KPNA2: variants seen among roughly 807,000 people sequenced by gnomAD.
The protein encoded by KPNA2 is importin subunit alpha-1.
A neutral mutation model predicts 53.7 loss-of-function variants in KPNA2; 20 were observed. That is an observed-to-expected ratio of 0.37 (90% CI 0.26 to 0.54). KPNA2 has a LOEUF of 0.54. Among genes scored for constraint, KPNA2 ranks in the 20% least tolerant of loss-of-function variants. KPNA2 has a pLI of 0.83. For missense variants in KPNA2, 515 were observed against 640.3 expected, an observed-to-expected ratio of 0.80 and a Z score of 2.11; for synonymous variants, 238 against 227.5, an observed-to-expected ratio of 1.05 and a Z score of -0.42.
rs2071181404 is a variant in KPNA2 at position 68,035,769 on chromosome 17, T to A, written c.-95T>A. On this transcript the variant is annotated 5_prime_UTR_variant, in exon 1 of 11. Coordinates refer to ENST00000330459, the MANE Select transcript of KPNA2 (RefSeq NM_002266.4). ...TTGAGCTGAGTCGAGGTGGACCCTT[T>A]GAACGCAGTCGCCCTACAGCCGCTG... The A allele has an allele frequency of 6.6e-6, 1 of 152,400 alleles. No homozygotes were observed. The highest frequency in any genetic ancestry group is 1.5e-5 in the Non-Finnish European group (1 of 68,238). 9.4% of individuals were successfully genotyped at this position (152,400 alleles called of 1,614,324 possible).
chr17:68,039,434 T>G (rs1555704219), intron 3 of KPNA2, among the ~76,000 whole-genome samples: 1 of 151,442 alleles, frequency 6.6e-6, no homozygotes, highest in African/African-American at 2.4e-5. Context: ...CATAAACCAT[T>G]TATATTTGCA....
At chr17:68,041,544 C>G (rs949638428) in intron 4 of KPNA2, among the ~76,000 whole-genome samples, 10 of 152,070 alleles carry the variant, frequency 6.6e-5, no homozygotes, top group East Asian at 5.8e-4. Flanking sequence ...GGCGACAGAG[C>G]AAGACTCTGT....
intron 3 of KPNA2, among the ~76,000 whole-genome samples, chr17:68,039,152 G>C (rs140607826): frequency 6.6e-6 from 1 of 151,520 alleles, no homozygotes; most frequent in African/African-American, 2.4e-5. Context: ...ACAAAACCTT[G>C]GTTTGTTGCC....
intron 7 of KPNA2, 137 bp from the exon 8 acceptor site, chr17:68,043,701 C>T: frequency 1.7e-6 from 1 of 603,154 alleles, no homozygotes; most frequent in South Asian, 2.0e-5. Flanking sequence ...AAAAAAAAAG[C>T]ATAATCAGTT....
chr17:68,046,043 C>A, intron 10 of KPNA2, 122 bp downstream of exon 10: 1 of 617,698 alleles, frequency 1.6e-6, no homozygotes, highest in Non-Finnish European at 2.6e-6. Flanking sequence ...TATCAGTGTG[C>A]ATGGGACATA....
intron 4 of KPNA2, among the ~76,000 whole-genome samples, chr17:68,041,339 G>T (rs544523261): frequency 6.6e-6 from 1 of 152,300 alleles, no homozygotes; most frequent in Admixed American, 6.5e-5. Flanking sequence ...CAAGGGGTCG[G>T]TTACTTGAGC....
intron 3 of KPNA2, among the ~76,000 whole-genome samples, chr17:68,038,360 T>C (rs6504576): frequency 0.25 from 38,342 of 152,034 alleles, 5,797 homozygotes; most frequent in East Asian, 0.72. Context: ...CCTGCCTTGG[T>C]CTCCAGAAGT....
In KPNA2 at chr17:68,042,111, C is replaced by A. The variant is rs889040300; in HGVS notation, c.329C>A (p.Pro110His). The A allele has an allele frequency of 4.3e-6, 7 of 1,613,518 alleles. No homozygotes were observed. The highest frequency in any genetic ancestry group is 5.9e-6 in the Non-Finnish European group (7 of 1,179,500). ...ARKLLSREKQ[P>H]PIDNIIRAGL... is the part of the protein sequence containing the mutation. ...AAACTACTTTCCAGAGAAAAACAGCCCCCCATAGACAACATAATCCGGGCT... is the reference window on the plus strand; with the variant it reads ...AAACTACTTTCCAGAGAAAAACAGCACCCCATAGACAACATAATCCGGGCT... The change falls in exon 5 of 11, where the codon CCC (proline) becomes CAC (histidine). Residue 110 changes from proline to histidine, a missense_variant. By Grantham distance (77) the Pro-to-His change is moderately conservative (BLOSUM62 -2). Coordinates refer to ENST00000330459, the MANE Select transcript of KPNA2 (RefSeq NM_002266.4).
At chr17:68,040,512 AT>A (rs1400440838) in intron 3 of KPNA2, among the ~76,000 whole-genome samples, 165 bp from the exon 4 acceptor site, 5 of 152,230 alleles carry the variant, frequency 3.3e-5, no homozygotes, top group African/African-American at 1.2e-4. Flanking sequence ...ACTGTTCTAC[AT>A]ATAAAATAAT....
chr17:68,044,173 T>A (rs1555705106), intron 8 of KPNA2, 102 bp downstream of exon 8: 1 of 1,266,960 alleles, frequency 7.9e-7, no homozygotes, highest in Non-Finnish European at 1.1e-6. Flanking sequence ...CTACTAGGAG[T>A]CCTTTGCTGA....
chr17:68,040,803 A>G, intron 4 of KPNA2, 37 bp downstream of exon 4: 3 of 1,426,444 alleles, frequency 2.1e-6, no homozygotes, highest in Non-Finnish European at 2.9e-6. Context: ...TAGCCTAAGA[A>G]ATTTGTGTTT....
intron 3 of KPNA2, among the ~76,000 whole-genome samples, chr17:68,039,399 G>A (rs2071227500): frequency 6.6e-6 from 1 of 151,738 alleles, no homozygotes; most frequent in Non-Finnish European, 1.5e-5. Flanking sequence ...GGGATTACAG[G>A]CGCGAGCCAC....
intron 10 of KPNA2, 111 bp downstream of exon 10, chr17:68,046,032 A>G: frequency 1.5e-6 from 1 of 687,398 alleles, no homozygotes; most frequent in Non-Finnish European, 2.3e-6. Context: ...ATATAGTAAA[A>G]TATCAGTGTG....
chr17:68,043,915 A>G lies in KPNA2; in HGVS notation c.1008A>G (p.Ala336=), dbSNP rs781940531. The G allele has an allele frequency of 1.8e-5, 29 of 1,613,388 alleles. No homozygotes were observed. Among genetic ancestry groups the G allele is most frequent in the Admixed American group, 1.0e-4 (6 of 59,910 alleles). The change falls in exon 8 of 11, where the codon GCA becomes GCG. Residue 336 remains alanine, a synonymous_variant. Transcript: ENST00000330459. ...EQTQVVIDAG[A]LAVFPSLLTN... is the part of the protein sequence containing the mutation. ...CTCAGGTTGTGATTGATGCAGGAGCACTCGCCGTCTTTCCCAGCCTGCTCA... is the reference window on the plus strand; with the variant it reads ...CTCAGGTTGTGATTGATGCAGGAGCGCTCGCCGTCTTTCCCAGCCTGCTCA...
At chr17:68,038,175 A>G (rs868907570) in intron 3 of KPNA2, among the ~76,000 whole-genome samples, 11 of 151,962 alleles carry the variant, frequency 7.2e-5, no homozygotes, top group Non-Finnish European at 1.3e-4. Context: ...CGGTGTTTCA[A>G]CATGTTAGCC....
intron 9 of KPNA2, among the ~76,000 whole-genome samples, chr17:68,045,181 A>G (rs1334717677): frequency 1.3e-5 from 2 of 151,670 alleles, no homozygotes; most frequent in Non-Finnish European, 2.9e-5. Context: ...TGTGGCCAGT[A>G]TTTCTTCTTC....
At position 68,037,255 on chromosome 17, in the gene KPNA2, C is replaced by T. The variant is rs573566326; in HGVS notation, c.75+48C>T. 14 of 1,580,900 alleles carry T rather than the reference C, an allele frequency of 8.9e-6. No individual in the cohort carries two copies. In the Admixed American group the frequency reaches 9.0e-5, roughly 10 times the overall value. ...CTGTGGTGGTATTTAAATGGGAAGA[C>T]ATTTGGAAAGGGGTGAAAACTGAGG... On this transcript the variant is annotated intron_variant, in intron 2 of 10. Coordinates refer to ENST00000330459, the MANE Select transcript of KPNA2 (RefSeq NM_002266.4).
chr17:68,042,990 A>G lies in KPNA2; in HGVS notation c.657A>G (p.Ser219=). 1 of 1,612,982 alleles carries G rather than the reference A, an allele frequency of 6.2e-7. No individual in the cohort carries two copies. Among genetic ancestry groups the G allele is most frequent in the Non-Finnish European group, 8.5e-7 (1 of 1,179,354 alleles). The change falls in exon 6 of 11, where the codon TCA becomes TCG. Residue 219 remains serine (S), a synonymous_variant. Coordinates refer to ENST00000330459, the MANE Select transcript of KPNA2 (RefSeq NM_002266.4). ...CTCTCCTTGCAGTTCCTGATATGTC[A>G]TCTTTAGCAGTAAGTTACTAACATG... ...LLALLAVPDM[S]SLACGYLRNL... is the part of the protein sequence containing the mutation.
chr17:68,045,719 TTAAAA>T, intron 9 of KPNA2, 48 bp from the exon 10 acceptor site: 2 of 1,347,238 alleles, frequency 1.5e-6, no homozygotes, highest in Non-Finnish European at 9.9e-7. Context: ...GTTTTCTTCA[TTAAAA>T]TAAAACCAGA....
Sources: allele counts gnomAD v4.1 joint callset (sites outside exome capture counted in the v4.1 genomes callset), GRCh38; gene constraint gnomAD v4.1.1; transcripts MANE v1.5; gene names NCBI Gene and HGNC (gene_info 2026-07-23, HGNC 2026-07-21).